The following SEPTIN9 variants were observed in gnomAD, a reference collection of about 807,000 sequenced individuals.
SEPTIN9 encodes the protein septin 9.
SEPTIN9 carries 13 observed loss-of-function variants against 56.6 expected under a neutral mutation model. The ratio of observed to expected loss-of-function variants is 0.23; its 90% CI spans 0.15 to 0.37. The LOEUF is 0.37. Among genes scored for constraint, SEPTIN9 ranks in the 10% least tolerant of loss-of-function variants. The pLI is 1.00. For missense variants in SEPTIN9, 650 were observed against 823.1 expected, an observed-to-expected ratio of 0.79 and a Z score of 2.57; for synonymous variants, 332 against 334.1, an observed-to-expected ratio of 0.99 and a Z score of 0.07.
At chr17:77,358,926 C>T (rs540844800) in intron 2 of SEPTIN9, among the ~76,000 whole-genome samples, 9 of 152,236 alleles carry the variant, frequency 5.9e-5, no homozygotes, top group African/African-American at 1.4e-4. Flanking sequence ...AAGTGTCAGT[C>T]GTTATGGGGG....
intron 2 of SEPTIN9, among the ~76,000 whole-genome samples, chr17:77,359,209 G>A (rs1410000581): frequency 1.3e-5 from 2 of 152,210 alleles, no homozygotes; most frequent in Admixed American, 6.5e-5. Flanking sequence ...CTTCAGCTGG[G>A]CTTCCCTGTG....
chr17:77,365,687 A>C (rs569226822), intron 2 of SEPTIN9, among the ~76,000 whole-genome samples: 13 of 152,196 alleles, frequency 8.5e-5, no homozygotes, highest in African/African-American at 3.1e-4. Context: ...CCGGGTTGCC[A>C]GGCCGCCACT....
chr17:77,493,311 G>A (rs540705452), intron 10 of SEPTIN9: 5 of 550,878 alleles, frequency 9.1e-6, no homozygotes, highest in South Asian at 2.1e-5. Context: ...AAGATTCAGG[G>A]AGACAGGAGC....
chr17:77,358,651 A>G (rs938377480), intron 2 of SEPTIN9, among the ~76,000 whole-genome samples: 2 of 152,178 alleles, frequency 1.3e-5, no homozygotes, highest in Admixed American at 6.5e-5. Flanking sequence ...AAAATAATAA[A>G]TAAATAAAAT....
intron 3 of SEPTIN9, among the ~76,000 whole-genome samples, chr17:77,414,205 A>C (rs1166091626): frequency 1.3e-5 from 2 of 151,950 alleles, no homozygotes; most frequent in Non-Finnish European, 1.5e-5. Context: ...CAGCCTCCCG[A>C]GTAGCTGAGA....
In SEPTIN9 at chr17:77,453,705, C is replaced by A. The variant is rs368879441; in HGVS notation, c.722-28439C>A. 340 of 152,448 alleles carry A rather than the reference C, an allele frequency of 2.2e-3. 11 individuals carry two copies. In the South Asian group the frequency reaches 0.055, roughly 25 times the overall value. The allele number at this position is 152,448 out of a possible 1,614,324, so 9.4% of individuals were successfully genotyped here. A position where few individuals can be genotyped will look rare whatever the true frequency, so the allele number is the denominator to read the frequency against. On this transcript the variant is annotated intron_variant, in intron 3 of 11. Transcript: ENST00000427177. The surrounding 1 kb of genome is among the most constrained non-coding windows in gnomAD (Gnocchi z 4.4). ...GACTTTCACCCCGGAAGCCCTAGAC[C>A]CACTTGGGCAACCAGAGTCTCTGGG...
chr17:77,445,327 T>C lies in SEPTIN9; in HGVS notation c.722-36817T>C, dbSNP rs977409221. On this transcript the variant is annotated intron_variant, in intron 3 of 11. Transcript: ENST00000427177. This position sits in a 1 kb window ranked among gnomAD's most constrained non-coding sequence, Gnocchi z 4.7. The stretch of plus-strand genomic sequence containing the variant: ...AGCGCGGCCGCCAGCTCACAAAGGA[T>C]AGGGAGGGATATTGCTCTTGGCATT... 3 of 464,538 alleles carry C rather than the reference T, an allele frequency of 6.5e-6. No homozygotes were observed. The highest frequency in any genetic ancestry group is 6.0e-5 in the African/African-American group (3 of 49,998). 28.8% of individuals were successfully genotyped at this position (464,538 alleles called of 1,614,324 possible).
chr17:77,471,496 G>A (rs546532258), intron 3 of SEPTIN9, among the ~76,000 whole-genome samples: 1 of 152,376 alleles, frequency 6.6e-6, no homozygotes, highest in South Asian at 2.1e-4. Flanking sequence ...CATAAGTTGG[G>A]GGAGGCGGAG....
intron 1 of SEPTIN9, among the ~76,000 whole-genome samples, chr17:77,295,673 T>A (rs2031778040): frequency 6.6e-6 from 1 of 152,094 alleles, no homozygotes; most frequent in Admixed American, 6.5e-5. Flanking sequence ...CCACACAGGA[T>A]GTGCAAACAG....
At chr17:77,442,594 C>T (rs971535799) in intron 3 of SEPTIN9, among the ~76,000 whole-genome samples, 6 of 148,698 alleles carry the variant, frequency 4.0e-5, no homozygotes, top group South Asian at 2.2e-4. Context: ...TATTATGGGC[C>T]GGGTGCGATG....
rs2036696162 is a variant in SEPTIN9, at chr17:77,421,361, C to T, written c.721+18658C>T. On this transcript the variant is annotated intron_variant, in intron 3 of 11. Coordinates refer to ENST00000427177, the MANE Select transcript of SEPTIN9 (RefSeq NM_001113491.2). The surrounding 1 kb of genome is among the most constrained non-coding windows in gnomAD (Gnocchi z 4.6). ...CCCCCAGTCACAGCTGCCAGGAGCT[C>T]ATCTTTCTCTGTCTCCTCCCCCTGC... Among the ~76,000 whole-genome samples, 2 of 152,160 alleles carry T rather than the reference C, an allele frequency of 1.3e-5. No individual in the cohort carries two copies. Among genetic ancestry groups the T allele is most frequent in the Admixed American group, 6.5e-5 (1 of 15,274 alleles).
chr17:77,447,176 C>CT (rs1335991904), intron 3 of SEPTIN9: 7 of 167,104 alleles, frequency 4.2e-5, no homozygotes, highest in African/African-American at 1.4e-4. Flanking sequence ...CGATGAGTTG[C>CT]TTATTGGAAG....
At chr17:77,490,978 C>A in intron 8 of SEPTIN9, 119 bp downstream of exon 8, 2 of 817,348 alleles carry the variant, frequency 2.4e-6, no homozygotes, top group Non-Finnish European at 4.0e-6. Context: ...CCGCTGGTCA[C>A]TCTCCCCAGC....
intron 2 of SEPTIN9, among the ~76,000 whole-genome samples, chr17:77,325,483 C>A (rs2033099100): frequency 6.6e-6 from 1 of 152,208 alleles, no homozygotes. Context: ...AGTCTCAGCT[C>A]CTGCCCAGGA....
chr17:77,432,672 G>T (rs949562773), intron 3 of SEPTIN9, among the ~76,000 whole-genome samples: 2 of 152,262 alleles, frequency 1.3e-5, no homozygotes, highest in Middle Eastern at 3.2e-3. Flanking sequence ...CTGAGCGGGG[G>T]GTGTGTGAGG....
chr17:77,488,462 C>T (rs560306590), intron 6 of SEPTIN9, 141 bp downstream of exon 6: 44 of 869,556 alleles, frequency 5.1e-5, no homozygotes, highest in South Asian at 4.7e-4. Context: ...CAAAGCCGCA[C>T]GTCTCAGGGG....
Position 77,492,994 on chromosome 17 carries a change from T to G in SEPTIN9, c.1491T>G (p.Phe497Leu). 1 of 1,566,658 alleles carries G rather than the reference T, an allele frequency of 6.4e-7. No homozygotes were observed. The highest frequency in any genetic ancestry group is 8.7e-7 in the Non-Finnish European group (1 of 1,155,942). Residue 497 changes from phenylalanine to leucine, a missense_variant, in exon 10 of 12, where the codon TTT (phenylalanine) becomes TTG (leucine). Phe to Leu is a conservative substitution (Grantham distance 22). Transcript: ENST00000427177. The surrounding 1 kb of genome is among the most constrained non-coding windows in gnomAD (Gnocchi z 5.4). ...CCGTTCCCCAGGAGATGATCCCATT[T>G]GCTGTGGTGGGCAGTGACCACGAGT... is the stretch of plus-strand genomic sequence containing the variant. ...VNEKFREMIP[F>L]AVVGSDHEYQ...
chr17:77,285,338 C>T (rs921864158), intron 1 of SEPTIN9, among the ~76,000 whole-genome samples: 1 of 152,176 alleles, frequency 6.6e-6, no homozygotes, highest in African/African-American at 2.4e-5. Context: ...GCCACAGAAG[C>T]GGGACTGAGG....
At chr17:77,386,066 T>C (rs983761263) in intron 2 of SEPTIN9, among the ~76,000 whole-genome samples, 1 of 151,818 alleles carries the variant, frequency 6.6e-6, no homozygotes, top group Non-Finnish European at 1.5e-5. Flanking sequence ...CGGGGTGGGG[T>C]GTAGATGGCG....
Sources: allele counts gnomAD v4.1 joint callset (sites outside exome capture counted in the v4.1 genomes callset), GRCh38; gene constraint gnomAD v4.1.1; non-coding constraint Gnocchi (gnomAD v3.1); transcripts MANE v1.5; gene names NCBI Gene and HGNC (gene_info 2026-07-23, HGNC 2026-07-21).